The following SAMTOR variants were observed in gnomAD, a reference collection of about 807,000 sequenced individuals.
The protein encoded by SAMTOR is S-adenosylmethionine sensor upstream of mTORC1.
the SAMTOR span, chr7:112,895,805 T>C: frequency 8.3e-5 from 95 of 1,142,030 alleles, no homozygotes; most frequent in African/African-American, 7.9e-5. Flanking sequence ...ACGGAAAAAA[T>C]TGGCTTTTAT....
chr7:112,878,644 G>A, the SAMTOR span, among the ~76,000 whole-genome samples: 1 of 152,146 alleles, frequency 6.6e-6, no homozygotes, highest in Non-Finnish European at 1.5e-5. Context: ...TAGGCAGAAG[G>A]GAAACACTAG....
chr7:112,831,358 A>G, the SAMTOR span, among the ~76,000 whole-genome samples: 1 of 152,168 alleles, frequency 6.6e-6, no homozygotes, highest in South Asian at 2.1e-4. Flanking sequence ...TGATTAAGGT[A>G]AAAGAAAGTT....
the SAMTOR span, among the ~76,000 whole-genome samples, chr7:112,832,283 G>A: frequency 6.6e-6 from 1 of 151,898 alleles, no homozygotes; most frequent in African/African-American, 2.4e-5. Flanking sequence ...CTAAAGTGTT[G>A]GGATTACAGG....
chr7:112,917,279 A>G, the SAMTOR span, among the ~76,000 whole-genome samples: 46 of 152,340 alleles, frequency 3.0e-4, no homozygotes, highest in Non-Finnish European at 5.9e-4. Flanking sequence ...ATCAGACAGC[A>G]GCATTCGCGG....
At chr7:112,873,926 C>A in the SAMTOR span, among the ~76,000 whole-genome samples, 1 of 152,108 alleles carries the variant, frequency 6.6e-6, no homozygotes, top group Non-Finnish European at 1.5e-5. Context: ...AGAAGACATA[C>A]CTGTGGCTAA....
chr7:112,826,323 A>G, the SAMTOR span, among the ~76,000 whole-genome samples: 1 of 152,174 alleles, frequency 6.6e-6, no homozygotes, highest in Non-Finnish European at 1.5e-5. Context: ...AAGGTTTTAA[A>G]CTGCCAATTC....
chr7:112,921,811 T>G, the SAMTOR span, among the ~76,000 whole-genome samples: 1 of 117,242 alleles, frequency 8.5e-6, no homozygotes, highest in Non-Finnish European at 1.8e-5. Flanking sequence ...AAGAAGACAT[T>G]TATGCAGCCA....
the SAMTOR span, among the ~76,000 whole-genome samples, chr7:112,892,201 T>C: frequency 2.8e-4 from 43 of 152,362 alleles, no homozygotes; most frequent in Non-Finnish European, 2.9e-5. Context: ...TCAAGTTTTA[T>C]CATGAAATTG....
the SAMTOR span, among the ~76,000 whole-genome samples, chr7:112,864,082 A>G: frequency 3.3e-5 from 5 of 152,306 alleles, no homozygotes; most frequent in South Asian, 1.0e-3. Flanking sequence ...AAAAAATGAG[A>G]TCATATCCTT....
the SAMTOR span, among the ~76,000 whole-genome samples, chr7:112,911,984 T>C: frequency 4.6e-5 from 7 of 151,766 alleles, no homozygotes; most frequent in East Asian, 1.9e-4. Flanking sequence ...ACCTAAAGAA[T>C]TGTAACCACC....
the SAMTOR span, among the ~76,000 whole-genome samples, chr7:112,845,994 TTA>T: frequency 6.6e-6 from 1 of 152,076 alleles, no homozygotes; most frequent in Non-Finnish European, 1.5e-5. Flanking sequence ...ATGTTTTCAC[TTA>T]TAAGTGATGA....
chr7:112,835,344 A>G, the SAMTOR span, among the ~76,000 whole-genome samples: 1 of 152,098 alleles, frequency 6.6e-6, no homozygotes, highest in African/African-American at 2.4e-5. Flanking sequence ...TCTGCTGAGG[A>G]CTTCCAATAT....
At chr7:112,916,221 A>G in the SAMTOR span, among the ~76,000 whole-genome samples, 1 of 152,246 alleles carries the variant, frequency 6.6e-6, no homozygotes, top group Non-Finnish European at 1.5e-5. Flanking sequence ...AATAAAATTA[A>G]ATCAGTCATC....
chr7:112,918,156 A>T, the SAMTOR span, among the ~76,000 whole-genome samples: 3 of 152,332 alleles, frequency 2.0e-5, no homozygotes, highest in South Asian at 6.2e-4. Context: ...CAGATTCGCC[A>T]AAGTTGAAAT....
the SAMTOR span, among the ~76,000 whole-genome samples, chr7:112,926,019 A>G: frequency 6.6e-6 from 1 of 152,212 alleles, no homozygotes; most frequent in Non-Finnish European, 1.5e-5. Flanking sequence ...CACGGCATTT[A>G]TCTCTAAGTT....
chr7:112,906,429 AC>A, the SAMTOR span, among the ~76,000 whole-genome samples: 1 of 152,204 alleles, frequency 6.6e-6, no homozygotes, highest in Non-Finnish European at 1.5e-5. Context: ...GACATTTACA[AC>A]AGCAATAAAA....
chr7:112,897,106 T>C, the SAMTOR span, among the ~76,000 whole-genome samples: 1 of 152,178 alleles, frequency 6.6e-6, no homozygotes, highest in Non-Finnish European at 1.5e-5. Context: ...AATTTTAAAA[T>C]GCAGTCTTTA....
At chr7:112,865,558 G>A in the SAMTOR span, among the ~76,000 whole-genome samples, 1 of 150,364 alleles carries the variant, frequency 6.7e-6, no homozygotes, top group Non-Finnish European at 1.5e-5. Context: ...TTGCAGGCGT[G>A]AGCCTCCATG....
chr7:112,894,083 C>T, the SAMTOR span, among the ~76,000 whole-genome samples: 7 of 151,234 alleles, frequency 4.6e-5, no homozygotes, highest in African/African-American at 1.5e-4. Flanking sequence ...TACTTGTATA[C>T]TTAAAGGCCA....
Sources: gnomAD v4.1 joint callset for allele counts (sites outside exome capture counted in the v4.1 genomes callset) on GRCh38, gnomAD v4.1.1 for gene constraint, MANE v1.5 for transcripts, NCBI Gene and HGNC (gene_info 2026-07-23, HGNC 2026-07-21) for gene names.